Variants in MED27 observed in about 807,000 individuals in gnomAD.
MED27 encodes the protein mediator of RNA polymerase II transcription subunit 27.
A neutral mutation model predicts 38.2 loss-of-function variants in MED27; 30 were observed. The observed-to-expected ratio is 0.79, with a 90% CI of 0.59 to 1.07. The LOEUF is 1.07. Ranked by LOEUF, MED27 falls within the 50% of genes least tolerant of loss-of-function variation. The pLI, the probability that MED27 is intolerant of heterozygous loss-of-function variation, is 0.00. For synonymous variants in MED27, 122 were observed against 153.5 expected (o/e 0.79, Z 1.52); for missense variants, 289 against 397.5 (o/e 0.73, Z 2.32).
Position 131,997,936 on chromosome 9 carries a change from G to T in MED27, c.479+16401C>A, listed in dbSNP as rs1832129009. On this transcript the variant is annotated intron_variant, in intron 3 of 7. Transcript: ENST00000292035. The surrounding 1 kb of genome is among the most constrained non-coding windows in gnomAD (Gnocchi z 4.0). ...TGGTGATCTCTCATCTAATTTCTTTGAACTCTGAGTCTATAAATCTGGGCT... is the reference window on the plus strand; with the variant it reads ...TGGTGATCTCTCATCTAATTTCTTTTAACTCTGAGTCTATAAATCTGGGCT... Among the ~76,000 whole-genome samples, 1 of 152,054 alleles carries T rather than the reference G, an allele frequency of 6.6e-6. No individual in the cohort carries two copies. Among genetic ancestry groups the T allele is most frequent in the African/African-American group, 2.4e-5 (1 of 41,382 alleles).
chr9:131,943,401 T>C (rs1163831980), intron 3 of MED27, among the ~76,000 whole-genome samples: 1 of 151,824 alleles, frequency 6.6e-6, no homozygotes, highest in Non-Finnish European at 1.5e-5. Context: ...GTATGGGAGG[T>C]GGTCTCTGGC....
chr9:132,068,288 G>C (rs1232820558), intron 2 of MED27, among the ~76,000 whole-genome samples: 3 of 152,132 alleles, frequency 2.0e-5, no homozygotes, highest in African/African-American at 7.2e-5. Flanking sequence ...ACTGAGGCTA[G>C]GTAAGCCGGC....
chr9:131,995,392 T>C (rs1832068551), intron 3 of MED27, among the ~76,000 whole-genome samples: 1 of 152,044 alleles, frequency 6.6e-6, no homozygotes. Flanking sequence ...GCTGATCTAG[T>C]TGCTAATGCC....
intron 4 of MED27, among the ~76,000 whole-genome samples, chr9:131,900,955 G>C (rs887610517): frequency 6.7e-6 from 1 of 149,890 alleles, no homozygotes; most frequent in African/African-American, 2.5e-5. Flanking sequence ...GAGAGAAAAA[G>C]AGGGTAAGGG....
intron 2 of MED27, among the ~76,000 whole-genome samples, chr9:132,037,928 C>T (rs1833117110): frequency 1.3e-5 from 2 of 152,166 alleles, no homozygotes. Context: ...CAGCTGAATT[C>T]TGCCTGCCCC....
Position 132,004,218 on chromosome 9 carries a change from GA to G in MED27, c.479+10118del, listed in dbSNP as rs1231498840. Among the ~76,000 whole-genome samples the G allele has an allele frequency of 2.0e-5, 3 of 152,192 alleles. No individual in the cohort carries two copies. In the East Asian group the frequency reaches 5.8e-4, roughly 29 times the overall value. On this transcript the variant is annotated intron_variant, in intron 3 of 7. Coordinates refer to ENST00000292035, the MANE Select transcript of MED27 (RefSeq NM_004269.4). ...ACTGAGTACGGTTCTCTCAAGGGGA[GA>G]AAAGTAACTTTTACAACATATATGC...
At chr9:131,911,693 G>C (rs1830191533) in intron 4 of MED27, among the ~76,000 whole-genome samples, 1 of 152,162 alleles carries the variant, frequency 6.6e-6, no homozygotes, top group Admixed American at 6.5e-5. Context: ...GAATATGATG[G>C]TATATCAACA....
At chr9:132,047,223 G>C (rs555396893) in intron 2 of MED27, among the ~76,000 whole-genome samples, 1 of 152,040 alleles carries the variant, frequency 6.6e-6, no homozygotes, top group Non-Finnish European at 1.5e-5. Flanking sequence ...GAATGTGAAC[G>C]TGTATTCAGC....
intron 3 of MED27, among the ~76,000 whole-genome samples, chr9:131,955,277 C>T (rs964805808): frequency 2.0e-5 from 3 of 151,580 alleles, no homozygotes; most frequent in Non-Finnish European, 4.4e-5. Flanking sequence ...TAAAACCATG[C>T]TCAGAGGGAA....
At chr9:131,900,706 G>A (rs1436560017) in intron 4 of MED27, among the ~76,000 whole-genome samples, 1 of 152,066 alleles carries the variant, frequency 6.6e-6, no homozygotes, top group Non-Finnish European at 1.5e-5. Context: ...TAGTTCAGGG[G>A]TTTGTCAGTT....
At chr9:131,901,218 A>G (rs1307586297) in intron 4 of MED27, among the ~76,000 whole-genome samples, 1 of 152,228 alleles carries the variant, frequency 6.6e-6, no homozygotes, top group Non-Finnish European at 1.5e-5. Flanking sequence ...TTCTCTTTGT[A>G]CTAATTCCAA....
At chr9:131,963,532 C>A (rs2131001415) in intron 3 of MED27, among the ~76,000 whole-genome samples, 1 of 152,212 alleles carries the variant, frequency 6.6e-6, no homozygotes, top group South Asian at 2.1e-4. Flanking sequence ...AGTGCCCCAG[C>A]CTCCCCTCAT....
chr9:132,029,186 C>T (rs1832894350), intron 2 of MED27, among the ~76,000 whole-genome samples: 1 of 152,154 alleles, frequency 6.6e-6, no homozygotes, highest in African/African-American at 2.4e-5. Flanking sequence ...AGGATAGGAA[C>T]AAATAGTAGA....
chr9:131,871,549 G>A (rs1838834266), intron 6 of MED27, among the ~76,000 whole-genome samples: 1 of 152,134 alleles, frequency 6.6e-6, no homozygotes, highest in African/African-American at 2.4e-5. Context: ...TTCACAGCAA[G>A]ACCCTTGTCC....
At chr9:131,876,797 C>T (rs1447238238) in intron 6 of MED27, among the ~76,000 whole-genome samples, 1 of 152,206 alleles carries the variant, frequency 6.6e-6, no homozygotes, top group African/African-American at 2.4e-5. Flanking sequence ...GCATACCACT[C>T]ATCGGAGTCA....
intron 2 of MED27, among the ~76,000 whole-genome samples, chr9:132,074,198 T>C (rs752891672): frequency 1.3e-5 from 2 of 152,218 alleles, no homozygotes; most frequent in Non-Finnish European, 2.9e-5. Context: ...CCCAATTCAG[T>C]ACAGGAAAAG....
intron 3 of MED27, among the ~76,000 whole-genome samples, chr9:131,940,075 T>G (rs1464191187): frequency 1.3e-5 from 2 of 151,570 alleles, no homozygotes; most frequent in Non-Finnish European, 1.5e-5. Context: ...CCTGGCTACT[T>G]TTTATATTTT....
At chr9:131,904,882 G>A (rs1307145466) in intron 4 of MED27, among the ~76,000 whole-genome samples, 1 of 152,126 alleles carries the variant, frequency 6.6e-6, no homozygotes, top group Non-Finnish European at 1.5e-5. Context: ...GCCTGGGAAG[G>A]GTTATGAAAT....
At chr9:131,865,386 G>T (rs141959124) in intron 6 of MED27, among the ~76,000 whole-genome samples, 4 of 152,290 alleles carry the variant, frequency 2.6e-5, no homozygotes, top group Admixed American at 2.6e-4. Context: ...AACTGGGCTC[G>T]AACGGTCCCC....
Sources: allele counts gnomAD v4.1 joint callset (sites outside exome capture counted in the v4.1 genomes callset), GRCh38; gene constraint gnomAD v4.1.1; non-coding constraint Gnocchi (gnomAD v3.1); transcripts MANE v1.5; gene names NCBI Gene and HGNC (gene_info 2026-07-23, HGNC 2026-07-21).